The following FHIT variants were observed in gnomAD, a reference collection of about 807,000 sequenced individuals.
The protein encoded by FHIT is fragile histidine triad diadenosine triphosphatase.
A neutral mutation model predicts 17.9 loss-of-function variants in FHIT; 19 were observed. The observed-to-expected ratio is 1.06, with a 90% CI of 0.74 to 1.56. FHIT has a LOEUF of 1.56. FHIT is among the 40% of genes most tolerant of loss of function. The pLI is 0.00. For missense variants in FHIT, 248 were observed against 189.2 expected (o/e 1.31, Z -1.82); for synonymous variants, 81 against 69.7 (o/e 1.16, Z -0.81).
chr3:60,765,510 T>A (rs1553721182), intron 4 of FHIT: 1 of 152,068 alleles, frequency 6.6e-6, no homozygotes, highest in Non-Finnish European at 1.5e-5. Flanking sequence ...AAAAGGTGAA[T>A]CAAATATACT....
chr3:59,971,436 G>C (rs1310623665), intron 7 of FHIT, among the ~76,000 whole-genome samples: 2 of 152,116 alleles, frequency 1.3e-5, no homozygotes, highest in African/African-American at 2.4e-5. Context: ...CCTGGTTCAA[G>C]AGGTGATTTC....
intron 8 of FHIT, among the ~76,000 whole-genome samples, chr3:59,917,031 A>G (rs553738311): frequency 6.6e-6 from 1 of 152,334 alleles, no homozygotes; most frequent in South Asian, 2.1e-4. Context: ...ATGGACTCTG[A>G]GCCCATTGTC....
At chr3:59,750,300 C>G in intron 9 of FHIT, 1 of 225,724 alleles carries the variant, frequency 4.4e-6, no homozygotes, top group Non-Finnish European at 8.8e-6. Context: ...GCTTTCTAGC[C>G]TCTACCTGAA....
chr3:59,973,838 C>A (rs907519891), intron 7 of FHIT, among the ~76,000 whole-genome samples: 2 of 152,112 alleles, frequency 1.3e-5, no homozygotes. Flanking sequence ...CCATAACTAA[C>A]TGTTCACCAC....
chr3:60,867,631 T>A (rs2107042973), intron 3 of FHIT, among the ~76,000 whole-genome samples: 1 of 152,312 alleles, frequency 6.6e-6, no homozygotes, highest in African/African-American at 2.4e-5. Flanking sequence ...GGCAGGATCA[T>A]GTGACTAGCT....
chr3:60,077,899 C>A (rs1020293238), intron 5 of FHIT, among the ~76,000 whole-genome samples: 1 of 151,858 alleles, frequency 6.6e-6, no homozygotes, highest in Non-Finnish European at 1.5e-5. Context: ...AGATAACAGA[C>A]GTTGATTTGC....
chr3:60,545,779 T>C (rs2036340393), intron 4 of FHIT, among the ~76,000 whole-genome samples: 1 of 152,236 alleles, frequency 6.6e-6, no homozygotes, highest in African/African-American at 2.4e-5. Flanking sequence ...TTGTGTCTAA[T>C]CCACATGCCC....
chr3:60,648,762 G>A (rs2039923157), intron 4 of FHIT, among the ~76,000 whole-genome samples: 1 of 152,184 alleles, frequency 6.6e-6, no homozygotes. Flanking sequence ...AACTCCCACT[G>A]ACAGCTCCCA....
intron 4 of FHIT, among the ~76,000 whole-genome samples, chr3:60,743,179 C>T (rs2042273821): frequency 1.3e-5 from 2 of 152,202 alleles, no homozygotes; most frequent in Admixed American, 1.3e-4. Flanking sequence ...CATTTTTAGG[C>T]TCTGAGCTGC....
chr3:60,732,684 C>CTTTGTTT (rs2042055847), intron 4 of FHIT: 2 of 166,694 alleles, frequency 1.2e-5, no homozygotes, highest in Non-Finnish European at 2.2e-5. Flanking sequence ...GCAAAGACTG[C>CTTTGTTT]TTTTTTTTTT....
chr3:60,853,999 A>G (rs1443179491), intron 3 of FHIT, among the ~76,000 whole-genome samples: 1 of 152,088 alleles, frequency 6.6e-6, no homozygotes. Context: ...GTAAACACCA[A>G]ACAAAAGTAA....
At chr3:60,473,924 A>AG (rs2033215890) in intron 5 of FHIT, among the ~76,000 whole-genome samples, 1 of 54,544 alleles carries the variant, frequency 1.8e-5, no homozygotes, top group African/African-American at 6.4e-5. Flanking sequence ...CTCCATTTCC[A>AG]AAAAAAAAAG....
In FHIT at chr3:60,875,923, A is replaced by ATGTGTGTGTGTGTGTG. The variant is rs60177380; in HGVS notation, c.-110-53928_-110-53913dup. On this transcript the variant is annotated intron_variant, in intron 3 of 9. Transcript: ENST00000492590. ...ATTTTTAGCTAAGGAAAACTTATTC[A>ATGTGTGTGTGTGTGTG]TGTGTGTGTGTGTGTGTGTGTGTGT... is the stretch of plus-strand genomic sequence containing the variant. Among the ~76,000 whole-genome samples, 16 of 136,900 alleles carry ATGTGTGTGTGTGTGTG rather than the reference A, an allele frequency of 1.2e-4. No individual in the cohort carries two copies. The East Asian group carries it at 1.8e-3, about 15-fold the overall frequency. The allele number at this position is 136,900 out of a possible 152,430, so 89.8% of individuals were successfully genotyped here.
chr3:60,494,511 A>C (rs2034210420), intron 5 of FHIT, among the ~76,000 whole-genome samples: 1 of 152,096 alleles, frequency 6.6e-6, no homozygotes, highest in Admixed American at 6.5e-5. Flanking sequence ...TGTACAATTA[A>C]ATCATTATTG....
intron 5 of FHIT, among the ~76,000 whole-genome samples, chr3:60,350,728 GAACAGGTA>G (rs886958868): frequency 6.6e-6 from 1 of 152,108 alleles, no homozygotes; most frequent in Non-Finnish European, 1.5e-5. Flanking sequence ...TAAGCGTGAT[GAACAGGTA>G]AACTCCATGA....
intron 5 of FHIT, among the ~76,000 whole-genome samples, chr3:60,138,628 T>G (rs1031835069): frequency 6.6e-6 from 1 of 152,042 alleles, no homozygotes; most frequent in Non-Finnish European, 1.5e-5. Flanking sequence ...TCTCCAAGTT[T>G]TGGATAGAGA....
At chr3:60,640,897 A>G (rs112051642) in intron 4 of FHIT, among the ~76,000 whole-genome samples, 2,733 of 152,284 alleles carry the variant, frequency 0.018, 89 homozygotes, top group African/African-American at 0.061. Flanking sequence ...AGAAACACAC[A>G]GGCCAGGTGT....
intron 5 of FHIT, among the ~76,000 whole-genome samples, chr3:60,216,725 A>T (rs1160306241): frequency 1.3e-5 from 2 of 152,154 alleles, no homozygotes; most frequent in Admixed American, 1.3e-4. Flanking sequence ...GCATTTTTAA[A>T]TGTCTTAGGC....
intron 2 of FHIT, among the ~76,000 whole-genome samples, chr3:61,183,601 T>C (rs986251803): frequency 2.0e-5 from 3 of 152,146 alleles, no homozygotes; most frequent in African/African-American, 4.8e-5. Flanking sequence ...TTGTTAAATA[T>C]TGAAGAACAA....
Sources: allele counts gnomAD v4.1 joint callset (sites outside exome capture counted in the v4.1 genomes callset), GRCh38; gene constraint gnomAD v4.1.1; transcripts MANE v1.5; gene names NCBI Gene and HGNC (gene_info 2026-07-23, HGNC 2026-07-21).